Variants in PSIP1 observed in about 807,000 individuals in gnomAD.
The protein encoded by PSIP1 is PC4 and SFRS1-interacting protein.
Under a neutral mutation model 74.7 loss-of-function variants are expected in PSIP1, and 19 were observed. That is an observed-to-expected ratio of 0.25 (90% CI 0.18 to 0.37). The LOEUF is 0.37. Among genes scored for constraint, PSIP1 ranks in the 10% least tolerant of loss-of-function variants. The pLI is 1.00. For missense variants in PSIP1, 601 were observed against 614.3 expected, an observed-to-expected ratio of 0.98 and a Z score of 0.23; for synonymous variants, 222 against 195.3, an observed-to-expected ratio of 1.14 and a Z score of -1.14.
Position 15,510,195 on chromosome 9 carries a change from G to A in PSIP1, c.-7C>T, listed in dbSNP as rs754001140. 3.7e-6 allele frequency: 6 copies of A among 1,603,526 alleles called. No homozygotes were observed. The East Asian group carries it at 6.9e-5, about 18-fold the overall frequency. On this transcript the variant is annotated 5_prime_UTR_variant, in exon 2 of 16. Transcript: ENST00000380733. ...GTTTGAAATCGCGAGTCATGTTTCG[G>A]GGGCGAGACCGGGGGTCCGAAGCCC...
intron 10 of PSIP1, chr9:15,471,777 C>A (rs2035841602): frequency 3.2e-6 from 3 of 952,028 alleles, no homozygotes; most frequent in Non-Finnish European, 3.8e-6. Flanking sequence ...AAAAAAAGTA[C>A]AAAATTGTTC....
chr9:15,503,654 T>C (rs901028519), intron 3 of PSIP1, among the ~76,000 whole-genome samples: 16 of 151,210 alleles, frequency 1.1e-4, no homozygotes, highest in African/African-American at 3.6e-4. Flanking sequence ...AATGAGACTC[T>C]GTCTCCAAAA....
chr9:15,468,454 C>T (rs2035720927), intron 14 of PSIP1, 176 bp downstream of exon 14: 1 of 791,806 alleles, frequency 1.3e-6, no homozygotes, highest in Non-Finnish European at 2.3e-6. Flanking sequence ...ATTTTTTGTT[C>T]TCAATGCACA....
At chr9:15,469,378 A>G (rs879179789) in intron 11 of PSIP1, 42 bp from the exon 12 acceptor site, 1 of 1,308,948 alleles carries the variant, frequency 7.6e-7, no homozygotes, top group South Asian at 1.3e-5. Flanking sequence ...CAGTTTTTCC[A>G]AAACCAGTAT....
At chr9:15,504,209 A>G (rs1037990069) in intron 3 of PSIP1, among the ~76,000 whole-genome samples, 1 of 152,208 alleles carries the variant, frequency 6.6e-6, no homozygotes, top group Non-Finnish European at 1.5e-5. Context: ...TTTAAAGTTA[A>G]ATTCATTTGA....
intron 14 of PSIP1, among the ~76,000 whole-genome samples, 185 bp from the exon 15 acceptor site, chr9:15,467,044 T>C (rs1199226910): frequency 6.6e-5 from 10 of 152,078 alleles, no homozygotes; most frequent in Non-Finnish European, 1.3e-4. Context: ...TTTGATGGCT[T>C]TGTCAAAAAG....
At chr9:15,471,839 G>C in intron 10 of PSIP1, 4 of 964,832 alleles carry the variant, frequency 4.1e-6, no homozygotes, top group Non-Finnish European at 4.9e-6. Context: ...CCTAGAGCAT[G>C]TTTTAAAAAT....
At position 15,510,213 on chromosome 9, in the gene PSIP1, C is replaced by G. The variant is rs375530010; in HGVS notation, c.-25G>C. 6 of 1,595,672 alleles carry G rather than the reference C, an allele frequency of 3.8e-6. No homozygotes were observed. Among genetic ancestry groups the G allele is most frequent in the Non-Finnish European group, 5.1e-6 (6 of 1,171,926 alleles). ...TGTTTCGGGGGCGAGACCGGGGGTC[C>G]GAAGCCCGGGAGGCGGCGAGGAGAT... On this transcript the variant is annotated 5_prime_UTR_variant, in exon 2 of 16. Transcript: ENST00000380733.
intron 8 of PSIP1, 152 bp from the exon 9 acceptor site, chr9:15,474,389 G>C: frequency 1.6e-6 from 1 of 632,284 alleles, no homozygotes; most frequent in East Asian, 3.0e-5. Flanking sequence ...TTCTGTCACA[G>C]AACATCCTTT....
chr9:15,468,377 T>C (rs369877751), intron 14 of PSIP1: 16 of 695,716 alleles, frequency 2.3e-5, no homozygotes, highest in African/African-American at 1.2e-4. Flanking sequence ...TTAAAAATTG[T>C]TTATCCAGAG....
chr9:15,470,106 C>CTT, intron 10 of PSIP1, 113 bp from the exon 11 acceptor site: 1 of 785,958 alleles, frequency 1.3e-6, no homozygotes, highest in Non-Finnish European at 2.1e-6. Context: ...ATAGCCTAGA[C>CTT]TGCAAAGGAA....
chr9:15,479,478 A>T, intron 7 of PSIP1, 113 bp downstream of exon 7: 1 of 679,464 alleles, frequency 1.5e-6, no homozygotes, highest in Non-Finnish European at 2.4e-6. Context: ...TGTATGTTAC[A>T]CATAATCAAT....
intron 6 of PSIP1, among the ~76,000 whole-genome samples, chr9:15,485,376 C>A (rs961118913): frequency 3.3e-5 from 5 of 152,146 alleles, no homozygotes; most frequent in African/African-American, 1.2e-4. Flanking sequence ...CCATACTGCA[C>A]AACAAATAAG....
rs551807002 is a variant in PSIP1 at position 15,498,392 on chromosome 9, G to A, written c.149+8169C>T. On this transcript the variant is annotated intron_variant, in intron 3 of 15. Transcript: ENST00000380733. Reference sequence around the variant, plus strand: ...GATCGTGCCACTGCATTCCAGCCTGGGTGACAGAGTGAGGCTCCGTTTCAA... The same window carrying A: ...GATCGTGCCACTGCATTCCAGCCTGAGTGACAGAGTGAGGCTCCGTTTCAA... Among the ~76,000 whole-genome samples, 79 of 152,084 alleles carry A rather than the reference G, an allele frequency of 5.2e-4. 1 individual carries two copies. Among genetic ancestry groups the A allele is most frequent in the East Asian group, 2.9e-3 (15 of 5,178 alleles).
At chr9:15,496,379 GCTTT>G (rs371748991) in intron 3 of PSIP1, among the ~76,000 whole-genome samples, 16 of 152,206 alleles carry the variant, frequency 1.1e-4, no homozygotes, top group East Asian at 5.8e-4. Context: ...TGCCATTCCT[GCTTT>G]CTTTGTGACA....
chr9:15,474,176 G>T lies in PSIP1; in HGVS notation c.691C>A (p.Pro231Thr). The change falls in exon 9 of 16, where the codon CCT becomes ACT. Residue 231 changes from proline to threonine, a missense_variant. Around this residue, in one of 2 missense-constraint regions of PSIP1, gnomAD observed 538 missense variants for 507.6 expected, o/e 1.06. Coordinates refer to ENST00000380733, the MANE Select transcript of PSIP1 (RefSeq NM_033222.5). Reference sequence around the variant, plus strand: ...TTCTGGCCCTCTTCATCCTTCTTAGGCTGCTTTTTAGGTTGTTTTTCCTCT... The same window carrying T: ...TTCTGGCCCTCTTCATCCTTCTTAGTCTGCTTTTTAGGTTGTTTTTCCTCT... ...GQEEKQPKKQ[P>T]KKDEEGQKEE... The T allele has an allele frequency of 6.2e-7, 1 of 1,612,738 alleles. No individual in the cohort carries two copies. The highest frequency in any genetic ancestry group is 1.3e-5 in the African/African-American group (1 of 74,766).
intron 3 of PSIP1, among the ~76,000 whole-genome samples, chr9:15,497,325 CTTTTTTT>C (rs767922897): frequency 8.4e-6 from 1 of 118,594 alleles, no homozygotes; most frequent in Non-Finnish European, 1.7e-5. Flanking sequence ...TCTATGATTC[CTTTTTTT>C]TTTTTTTTTG....
chr9:15,496,100 A>G (rs2037060050), intron 3 of PSIP1, among the ~76,000 whole-genome samples: 2 of 152,230 alleles, frequency 1.3e-5, no homozygotes, highest in Admixed American at 1.3e-4. Context: ...AATCACCAAG[A>G]AGCTTTAAAA....
chr9:15,500,600 A>C (rs2037297110), intron 3 of PSIP1, among the ~76,000 whole-genome samples: 2 of 152,188 alleles, frequency 1.3e-5, no homozygotes, highest in Admixed American at 1.3e-4. Context: ...AGAAGAAAAA[A>C]ATCCTATCCT....
Sources: gnomAD v4.1 joint callset for allele counts (sites outside exome capture counted in the v4.1 genomes callset) on GRCh38, gnomAD v4.1.1 for gene constraint, gnomAD v4.1.1 regional missense constraint, MANE v1.5 for transcripts, NCBI Gene and HGNC (gene_info 2026-07-23, HGNC 2026-07-21) for gene names.